Variants in NUP93 observed in about 807,000 individuals in gnomAD.
NUP93 encodes nuclear pore complex protein Nup93.
A neutral mutation model predicts 107.8 loss-of-function variants in NUP93; 55 were observed. The ratio of observed to expected loss-of-function variants is 0.51; its 90% CI spans 0.41 to 0.64. NUP93 has a LOEUF of 0.64. Among genes scored for constraint, NUP93 ranks in the 30% least tolerant of loss-of-function variants. NUP93 has a pLI of 0.00. For missense variants in NUP93, 937 were observed against 1,044.7 expected, an observed-to-expected ratio of 0.90 and a Z score of 1.42; for synonymous variants, 390 against 397.5, an observed-to-expected ratio of 0.98 and a Z score of 0.22.
intron 1 of NUP93, among the ~76,000 whole-genome samples, chr16:56,740,039 T>C (rs1266201176): frequency 8.9e-5 from 4 of 45,158 alleles, no homozygotes; most frequent in East Asian, 1.1e-3. Flanking sequence ...GAGGCGCCCC[T>C]CACCTCCCAG....
At chr16:56,815,865 ACTGCTGCTGCTGCTG>A (rs59958027) in intron 5 of NUP93, among the ~76,000 whole-genome samples, 2,542 of 147,074 alleles carry the variant, frequency 0.017, 55 homozygotes, top group African/African-American at 0.048. Context: ...TACTACTGCT[ACTGCTGCTGCTGCTG>A]CTGCTGCTGC....
intron 11 of NUP93, 133 bp from the exon 12 acceptor site, chr16:56,832,162 C>T (rs577327771): frequency 8.3e-7 from 1 of 1,211,884 alleles, no homozygotes; most frequent in Admixed American, 1.8e-5. Flanking sequence ...GTGTAATTCC[C>T]AGCTCATAAC....
At position 56,839,025 on chromosome 16, in the gene NUP93, T is replaced by C; in HGVS notation, c.2092T>C (p.Phe698Leu). 6.2e-7 allele frequency: 1 copy of C among 1,612,836 alleles called. No individual in the cohort carries two copies. The highest frequency in any genetic ancestry group is 8.5e-7 in the Non-Finnish European group (1 of 1,178,982). ...TFYLLLDLIT[F>L]FDEYHSGHID... ...CTATCTTCTTTTGGACTTGATCACC[T>C]TTTTTGACGAGTATCATAGTGGTCA... Residue 698 changes from phenylalanine to leucine, a missense_variant, in exon 19 of 22, where the codon TTT (phenylalanine) becomes CTT (leucine). Transcript: ENST00000308159.
Position 56,747,918 on chromosome 16 carries a change from C to T in NUP93, c.-14-316C>T, listed in dbSNP as rs4783958. 0.88 allele frequency: 152,731 copies of T among 174,156 alleles called. 67,412 individuals carry two copies. The highest frequency in any genetic ancestry group is 1 in the East Asian group (6,889 of 6,914). The allele number at this position is 174,156 out of a possible 1,614,324, so 10.8% of individuals were successfully genotyped here. A position where few individuals can be genotyped will look rare whatever the true frequency, so the allele number is the denominator to read the frequency against. On this transcript the variant is annotated intron_variant, in intron 1 of 21. Transcript: ENST00000308159. ...TGCCACAGTGGTTTCCATTTCCTTA[C>T]CTGCTTTGAGTCTGTGGAAGGAGAC...
intron 5 of NUP93, among the ~76,000 whole-genome samples, chr16:56,808,153 TAATATATAG>T (rs1963193635): frequency 1.6e-5 from 1 of 64,088 alleles, no homozygotes; most frequent in Admixed American, 1.7e-4. Context: ...TAACTATATA[TAATATATAG>T]TTATATAACT....
intron 5 of NUP93, among the ~76,000 whole-genome samples, chr16:56,809,506 T>C (rs1481709889): frequency 6.6e-6 from 1 of 152,182 alleles, no homozygotes; most frequent in Non-Finnish European, 1.5e-5. Context: ...TCATCAGTGC[T>C]TCCTGATAAG....
At chr16:56,782,364 G>T (rs576709495) in intron 3 of NUP93, 1 of 205,148 alleles carries the variant, frequency 4.9e-6, no homozygotes, top group Non-Finnish European at 8.6e-6. Context: ...TCATTTGATA[G>T]AAGAAGTACT....
intron 3 of NUP93, among the ~76,000 whole-genome samples, chr16:56,767,441 G>A (rs1430521120): frequency 1.3e-5 from 2 of 152,186 alleles, no homozygotes; most frequent in African/African-American, 2.4e-5. Context: ...TAGGTCAGCA[G>A]AATGTAAGTG....
At chr16:56,811,479 G>A (rs1020370149) in intron 5 of NUP93, among the ~76,000 whole-genome samples, 5 of 151,976 alleles carry the variant, frequency 3.3e-5, no homozygotes, top group African/African-American at 1.2e-4. Context: ...GGGTCCCCAA[G>A]CCTGGGCTTC....
chr16:56,849,105 C>T lies in NUP93; in HGVS notation c.*4496C>T, dbSNP rs1261661089. 6.6e-6 allele frequency: 1 copy of T among 152,264 alleles called. No homozygotes were observed. Among genetic ancestry groups the T allele is most frequent in the Non-Finnish European group, 1.5e-5 (1 of 68,060 alleles). The allele number at this position is 152,264 out of a possible 1,614,324, so 9.4% of individuals were successfully genotyped here. A position where few individuals can be genotyped will look rare whatever the true frequency, so the allele number is the denominator to read the frequency against. On this transcript the variant is annotated 3_prime_UTR_variant, in exon 22 of 22. Coordinates refer to ENST00000308159, the MANE Select transcript of NUP93 (RefSeq NM_014669.5). ...TCCTGTGCCAGGCTCCTCCCCACATCCTCTGGATCAGCTCCACGTGCCTAG... is the reference window on the plus strand; with the variant it reads ...TCCTGTGCCAGGCTCCTCCCCACATTCTCTGGATCAGCTCCACGTGCCTAG...
chr16:56,846,775 A>G lies in NUP93; in HGVS notation c.*2166A>G, dbSNP rs1964122268. 1 of 152,212 alleles carries G rather than the reference A, an allele frequency of 6.6e-6. No homozygotes were observed. Among genetic ancestry groups the G allele is most frequent in the Admixed American group, 6.5e-5 (1 of 15,282 alleles). 9.4% of individuals were successfully genotyped at this position (152,212 alleles called of 1,614,324 possible). A position where few individuals can be genotyped will look rare whatever the true frequency, so the allele number is the denominator to read the frequency against. ...TGCAACTTAGTGCTTTGTTTTTCTA[A>G]TACTAGATTTTACTTGCAGATAGAA... On this transcript the variant is annotated 3_prime_UTR_variant, in exon 22 of 22. Coordinates refer to ENST00000308159, the MANE Select transcript of NUP93 (RefSeq NM_014669.5).
intron 3 of NUP93, among the ~76,000 whole-genome samples, chr16:56,788,025 A>G (rs941602201): frequency 1.3e-5 from 2 of 152,176 alleles, no homozygotes; most frequent in Non-Finnish European, 2.9e-5. Context: ...TTCTCCTCCA[A>G]ATCCTCTCTT....
chr16:56,768,641 C>T (rs547336463), intron 3 of NUP93, among the ~76,000 whole-genome samples: 11 of 150,826 alleles, frequency 7.3e-5, no homozygotes, highest in South Asian at 2.1e-4. Context: ...CCAAGGCGGG[C>T]GGATCACAAG....
intron 1 of NUP93, among the ~76,000 whole-genome samples, chr16:56,732,211 G>A (rs1481187185): frequency 1.3e-5 from 2 of 152,186 alleles, no homozygotes; most frequent in African/African-American, 4.8e-5. Context: ...TTTTTCTTGT[G>A]TATTGTTGTC....
chr16:56,737,263 T>G lies in NUP93; in HGVS notation c.-15+7052T>G, dbSNP rs376493643. On this transcript the variant is annotated intron_variant, in intron 1 of 21. Transcript: ENST00000308159. ...GGGCCCTCTTCCTCGCTGCTCAGTG[T>G]GTAGTCAAGACCTTTCTTTGATGTG... Among the ~76,000 whole-genome samples, 14 of 152,330 alleles carry G rather than the reference T, an allele frequency of 9.2e-5. No homozygotes were observed. In the East Asian group the frequency reaches 2.5e-3, roughly 27 times the overall value.
chr16:56,804,388 G>A (rs1257904060), intron 4 of NUP93, among the ~76,000 whole-genome samples: 1 of 152,134 alleles, frequency 6.6e-6, no homozygotes, highest in Non-Finnish European at 1.5e-5. Flanking sequence ...AAAAAGAAAG[G>A]AAATTCTGAC....
At position 56,823,697 on chromosome 16, in the gene NUP93, T is replaced by A. The variant is rs771749374; in HGVS notation, c.655-10T>A. The A allele has an allele frequency of 6.2e-7, 1 of 1,613,520 alleles. No individual in the cohort carries two copies. Among genetic ancestry groups the A allele is most frequent in the South Asian group, 1.1e-5 (1 of 91,020 alleles). On this transcript the variant is annotated splice_polypyrimidine_tract_variant and intron_variant, in intron 7 of 21. Transcript: ENST00000308159. ...GCAGCATTGTCACATGCAGTTTCAT[T>A]TATGTGCAGAGCATTTCCGACATGT...
chr16:56,816,845 C>T (rs1963443198), intron 5 of NUP93, among the ~76,000 whole-genome samples: 1 of 152,158 alleles, frequency 6.6e-6, no homozygotes. Flanking sequence ...ATTTAAACCG[C>T]AGACACCAGC....
At position 56,798,468 on chromosome 16, in the gene NUP93, A is replaced by G. The variant is rs753095172; in HGVS notation, c.298-8A>G. ...TTTTAAGTTGTGTTAATTTTCCCCC[A>G]TTTATAGGGCTTCCTGAAGAATGAG... On this transcript the variant is annotated splice_region_variant and splice_polypyrimidine_tract_variant and intron_variant, in intron 3 of 21. Transcript: ENST00000308159. The G allele has an allele frequency of 1.2e-6, 2 of 1,613,268 alleles. No homozygotes were observed. Among genetic ancestry groups the G allele is most frequent in the Non-Finnish European group, 1.7e-6 (2 of 1,179,284 alleles).
Sources: gnomAD v4.1 joint callset for allele counts (sites outside exome capture counted in the v4.1 genomes callset) on GRCh38, gnomAD v4.1.1 for gene constraint, MANE v1.5 for transcripts, NCBI Gene and HGNC (gene_info 2026-07-23, HGNC 2026-07-21) for gene names.